Variants in ONECUT1 observed in about 807,000 individuals in gnomAD.
ONECUT1 encodes the protein one cut homeobox 1, also known as hepatocyte nuclear factor 6.
In ONECUT1, 12 loss-of-function variants were observed where a neutral mutation model predicts 25.6. The ratio of observed to expected loss-of-function variants is 0.47; its 90% CI spans 0.30 to 0.76. The LOEUF is 0.76. ONECUT1 is among the 30% of genes least tolerant of loss of function. The pLI is 0.07. For missense variants in ONECUT1, 620 were observed against 651.2 expected (o/e 0.95, Z 0.52); for synonymous variants, 285 against 270.2 (o/e 1.05, Z -0.54).
intron 1 of ONECUT1, among the ~76,000 whole-genome samples, chr15:52,764,851 G>C (rs958505275): frequency 1.3e-5 from 2 of 152,356 alleles, no homozygotes; most frequent in Admixed American, 6.5e-5. Context: ...AGGTAAGTCT[G>C]TGACGTCCGA....
In ONECUT1 at chr15:52,756,189, G is replaced by A. The variant is rs937989908; in HGVS notation, c.*1366C>T. Among the ~76,000 whole-genome samples, 5 of 152,052 alleles carry A rather than the reference G, an allele frequency of 3.3e-5. No homozygotes were observed. The highest frequency in any genetic ancestry group is 2.1e-4 in the South Asian group (1 of 4,824). On this transcript the variant is annotated 3_prime_UTR_variant, in exon 2 of 2. Coordinates refer to ENST00000305901, the MANE Select transcript of ONECUT1 (RefSeq NM_004498.4). ...ATTTCTCAGTTGCACCTGCTGTTTT[G>A]TTGACGTCCAAGTCATAAAATTTCT...
intron 1 of ONECUT1, among the ~76,000 whole-genome samples, chr15:52,761,134 A>G (rs2083703690): frequency 6.6e-6 from 1 of 152,102 alleles, no homozygotes; most frequent in South Asian, 2.1e-4. Context: ...CCCTCACCCC[A>G]ATCCCTTGCA....
chr15:52,790,029 C>G lies in ONECUT1; in HGVS notation c.-145G>C. The G allele has an allele frequency of 7.8e-7, 1 of 1,276,634 alleles. No homozygotes were observed. The highest frequency in any genetic ancestry group is 2.0e-5 in the South Asian group (1 of 50,818). The allele number at this position is 1,276,634 out of a possible 1,614,324, so 79.1% of individuals were successfully genotyped here. ...ACTGTGGGGCTCTGTCTCTCTCTCT[C>G]TCTCTCTCCGTGTGTGTGTGTCCGT... On this transcript the variant is annotated 5_prime_UTR_variant, in exon 1 of 2. Coordinates refer to ENST00000305901, the MANE Select transcript of ONECUT1 (RefSeq NM_004498.4).
At chr15:52,787,356 T>C (rs1318304170) in intron 1 of ONECUT1, among the ~76,000 whole-genome samples, 3 of 152,006 alleles carry the variant, frequency 2.0e-5, no homozygotes, top group African/African-American at 7.2e-5. Context: ...TTTGGGTCGC[T>C]TCGGGGCACG....
intron 1 of ONECUT1, chr15:52,785,638 A>C (rs2083869741): frequency 6.6e-6 from 1 of 152,190 alleles, no homozygotes. Context: ...TTGGAAACTA[A>C]TCTTGGTCTT....
At position 52,789,390 on chromosome 15, in the gene ONECUT1, A is replaced by G. The variant is rs777888900; in HGVS notation, c.495T>C (p.Tyr165=). 6 of 1,613,294 alleles carry G rather than the reference A, an allele frequency of 3.7e-6. No individual in the cohort carries two copies. Among genetic ancestry groups the G allele is most frequent in the Middle Eastern group, 3.3e-4 (2 of 6,058 alleles). Residue 165 remains tyrosine, a synonymous_variant, in exon 1 of 2, where the codon TAT becomes TAC. Transcript: ENST00000305901. This position sits in a 1 kb window ranked among gnomAD's most constrained non-coding sequence, Gnocchi z 4.1. ...ERGLASMNNL[Y]TPYHKDVAGM... is the part of the protein sequence containing the mutation. ...CGGCCACGTCCTTGTGGTAGGGGGT[A>G]TAGAGGTTATTCATGGAGGCCAGCC...
intron 1 of ONECUT1, among the ~76,000 whole-genome samples, chr15:52,768,384 C>G (rs1306490722): frequency 6.6e-6 from 1 of 152,090 alleles, no homozygotes; most frequent in Non-Finnish European, 1.5e-5. Flanking sequence ...TTTTAGAATT[C>G]TAAATTCCTA....
intron 1 of ONECUT1, among the ~76,000 whole-genome samples, chr15:52,770,594 G>T (rs1399463861): frequency 1.3e-5 from 2 of 152,132 alleles, no homozygotes; most frequent in Non-Finnish European, 2.9e-5. Flanking sequence ...GGAGCACAAA[G>T]GGGCGGCTTG....
At chr15:52,764,521 T>TCACA (rs2083723200) in intron 1 of ONECUT1, among the ~76,000 whole-genome samples, 1 of 152,232 alleles carries the variant, frequency 6.6e-6, no homozygotes, top group Admixed American at 6.5e-5. Context: ...GAGCTGGGCT[T>TCACA]GAGCTGTGTG....
intron 1 of ONECUT1, among the ~76,000 whole-genome samples, chr15:52,787,537 G>T (rs888510256): frequency 1.2e-4 from 18 of 151,568 alleles, no homozygotes; most frequent in Non-Finnish European, 1.5e-5. Flanking sequence ...AATGGAGAAC[G>T]ATCAGTTAAT....
intron 1 of ONECUT1, among the ~76,000 whole-genome samples, chr15:52,758,738 A>G (rs1012793115): frequency 1.3e-5 from 2 of 152,078 alleles, no homozygotes; most frequent in Non-Finnish European, 2.9e-5. Context: ...CTAATGTATC[A>G]TCCCAATGGA....
At chr15:52,783,744 G>C (rs2083856141) in intron 1 of ONECUT1, among the ~76,000 whole-genome samples, 1 of 152,212 alleles carries the variant, frequency 6.6e-6, no homozygotes, top group Non-Finnish European at 1.5e-5. Context: ...TCTCTACGCT[G>C]ACCCCGCTTT....
At chr15:52,768,129 C>T (rs1025764883) in intron 1 of ONECUT1, among the ~76,000 whole-genome samples, 2 of 151,842 alleles carry the variant, frequency 1.3e-5, no homozygotes, top group Admixed American at 1.3e-4. Context: ...TTAGGTGGCA[C>T]TATAGGGTGA....
intron 1 of ONECUT1, among the ~76,000 whole-genome samples, chr15:52,783,265 TACTC>T (rs568099732): frequency 1.3e-3 from 203 of 152,274 alleles, no homozygotes; most frequent in African/African-American, 4.6e-3. Flanking sequence ...TGCACTCAGA[TACTC>T]ACACAAAGCC....
rs1273279550 is a variant in ONECUT1, at chr15:52,784,562, C to T, written c.1105+4218G>A. On this transcript the variant is annotated intron_variant, in intron 1 of 1. Coordinates refer to ENST00000305901, the MANE Select transcript of ONECUT1 (RefSeq NM_004498.4). The surrounding 1 kb of genome is among the most constrained non-coding windows in gnomAD (Gnocchi z 5.0). ...GGTTCCAGTCGTCGCCACGAGCCCA[C>T]TTCTTATCCCCAAGCGCACCTCCCT... is the stretch of plus-strand genomic sequence containing the variant. Among the ~76,000 whole-genome samples, 1 of 152,200 alleles carries T rather than the reference C, an allele frequency of 6.6e-6. No homozygotes were observed. Among genetic ancestry groups the T allele is most frequent in the Non-Finnish European group, 1.5e-5 (1 of 68,034 alleles).
At chr15:52,760,940 T>C (rs1255095752) in intron 1 of ONECUT1, among the ~76,000 whole-genome samples, 1 of 150,336 alleles carries the variant, frequency 6.7e-6, no homozygotes, top group Admixed American at 6.7e-5. Flanking sequence ...ACTGTGCACT[T>C]GTTCCTCCAG....
chr15:52,766,715 A>G (rs560597160), intron 1 of ONECUT1, among the ~76,000 whole-genome samples: 2 of 152,346 alleles, frequency 1.3e-5, no homozygotes, highest in South Asian at 4.1e-4. Flanking sequence ...AAGAAGCTGA[A>G]GGAAGCAGCT....
rs137950230 is a variant in ONECUT1 at position 52,788,345 on chromosome 15, G to A, written c.1105+435C>T. 330 of 165,430 alleles carry A rather than the reference G, an allele frequency of 2.0e-3. 1 individual carries two copies. Among genetic ancestry groups the A allele is most frequent in the African/African-American group, 7.3e-3 (308 of 42,040 alleles). 10.2% of individuals were successfully genotyped at this position (165,430 alleles called of 1,614,324 possible). On this transcript the variant is annotated intron_variant, in intron 1 of 1. Coordinates refer to ENST00000305901, the MANE Select transcript of ONECUT1 (RefSeq NM_004498.4). This position sits in a 1 kb window ranked among gnomAD's most constrained non-coding sequence, Gnocchi z 4.3. ...CTGCTCCGGCACGCTCCAGCCCAGC[G>A]CCTGGGATGTGTCAGAGGTACCTGC... is the stretch of plus-strand genomic sequence containing the variant.
chr15:52,764,910 G>A (rs1291898103), intron 1 of ONECUT1, among the ~76,000 whole-genome samples: 5 of 152,184 alleles, frequency 3.3e-5, no homozygotes, highest in Admixed American at 3.3e-4. Context: ...ACGTCCAGGC[G>A]GCCCTCAGCC....
Sources: gnomAD v4.1 joint callset for allele counts (sites outside exome capture counted in the v4.1 genomes callset) on GRCh38, gnomAD v4.1.1 for gene constraint, Gnocchi (gnomAD v3.1) non-coding constraint, MANE v1.5 for transcripts, NCBI Gene and HGNC (gene_info 2026-07-23, HGNC 2026-07-21) for gene names.